Variants in CEP89 observed in about 807,000 individuals in gnomAD.
The protein encoded by CEP89 is centrosomal protein 89, also known as centrosomal protein of 89 kDa.
Under a neutral mutation model 97.6 loss-of-function variants are expected in CEP89, and 95 were observed. That is an observed-to-expected ratio of 0.97 (90% confidence interval 0.82 to 1.15). CEP89 has a LOEUF of 1.15. Ranked by LOEUF, CEP89 falls within the 50% of genes most tolerant of loss-of-function variation. The pLI is 0.00. For synonymous variants in CEP89, 354 were observed against 349.1 expected (o/e 1.01, Z -0.16); for missense variants, 869 against 947.7 (o/e 0.92, Z 1.09).
intron 5 of CEP89, among the ~76,000 whole-genome samples, chr19:32,942,005 T>G (rs1353153169): frequency 1.3e-5 from 2 of 152,218 alleles, no homozygotes; most frequent in East Asian, 3.8e-4. Context: ...CTTTCATATT[T>G]AATGGAGTCT....
At chr19:32,960,994 C>T (rs1292646894) in intron 2 of CEP89, among the ~76,000 whole-genome samples, 4 of 151,962 alleles carry the variant, frequency 2.6e-5, no homozygotes, top group Non-Finnish European at 4.4e-5. Context: ...ACAGAGAGAA[C>T]GAGGAGATCT....
Position 32,954,635 on chromosome 19 carries a change from G to A in CEP89, c.306-834C>T, listed in dbSNP as rs547755347. On this transcript the variant is annotated intron_variant, in intron 3 of 18. Coordinates refer to ENST00000305768, the MANE Select transcript of CEP89 (RefSeq NM_032816.5). ...CCTAAAGTGCTAGGATTACAGGCAT[G>A]AGCCACTGAGCCCAGCCTGTTGTTA... Among the ~76,000 whole-genome samples the A allele has an allele frequency of 7.3e-5, 11 of 151,570 alleles. No individual in the cohort carries two copies. The East Asian group carries it at 2.1e-3, about 29-fold the overall frequency.
rs777097915 is a variant in CEP89 at position 32,918,351 on chromosome 19, T to G, written c.1269-12A>C. The G allele has an allele frequency of 5.7e-6, 9 of 1,590,680 alleles. No individual in the cohort carries two copies. Among genetic ancestry groups the G allele is most frequent in the Admixed American group, 1.7e-5 (1 of 59,942 alleles). ...TCTGAAGCTGACGCCTGCAATTGAT[T>G]TACAAGATGAAATACTGTGATTCAG... is the stretch of plus-strand genomic sequence containing the variant. On this transcript the variant is annotated splice_polypyrimidine_tract_variant and intron_variant, in intron 12 of 18. Transcript: ENST00000305768.
At chr19:32,907,433 C>T (rs1969909974) in intron 14 of CEP89, among the ~76,000 whole-genome samples, 1 of 151,164 alleles carries the variant, frequency 6.6e-6, no homozygotes, top group African/African-American at 2.4e-5. Context: ...GCTTTCCCTC[C>T]AAACATGTCT....
chr19:32,902,010 C>CTGTGTGTGTGTGTGTGTGTGTG (rs929591410), intron 14 of CEP89, among the ~76,000 whole-genome samples: 77 of 133,792 alleles, frequency 5.8e-4, no homozygotes, highest in Non-Finnish European at 6.9e-4. Flanking sequence ...CTCTCTCTCT[C>CTGTGTGTGTGTGTGTGTGTGTG]TGTGTGTGTG....
intron 3 of CEP89, among the ~76,000 whole-genome samples, chr19:32,958,019 C>CCCA (rs1555795374): frequency 1.4e-5 from 2 of 146,438 alleles, no homozygotes; most frequent in African/African-American, 5.4e-5. Flanking sequence ...AAAATCCCCC[C>CCCA]CCCGCCAAAA....
At chr19:32,969,535 G>A (rs1002990445) in intron 1 of CEP89, 1 of 152,426 alleles carries the variant, frequency 6.6e-6, no homozygotes, top group Non-Finnish European at 1.5e-5. Flanking sequence ...TGCTGGAGTG[G>A]AGAGAGGCCA....
At chr19:32,953,866 T>TA in intron 3 of CEP89, 65 bp from the exon 4 acceptor site, 41 of 788,082 alleles carry the variant, frequency 5.2e-5, no homozygotes, top group Non-Finnish European at 7.4e-5. Context: ...CTGATAAATA[T>TA]CTTTTTTTTT....
intron 12 of CEP89, among the ~76,000 whole-genome samples, chr19:32,922,135 C>T (rs1377908406): frequency 6.6e-6 from 1 of 152,040 alleles, no homozygotes; most frequent in Non-Finnish European, 1.5e-5. Context: ...TGGTTCCTGC[C>T]CCTGAGGAGT....
intron 5 of CEP89, among the ~76,000 whole-genome samples, chr19:32,946,591 T>A (rs1970802667): frequency 6.6e-6 from 1 of 152,206 alleles, no homozygotes; most frequent in Non-Finnish European, 1.5e-5. Context: ...TCACATCTCA[T>A]CTTGAATTGT....
At position 32,941,952 on chromosome 19, in the gene CEP89, A is replaced by G. The variant is rs150628915; in HGVS notation, c.596-2067T>C. Among the ~76,000 whole-genome samples the G allele has an allele frequency of 5.9e-5, 9 of 152,376 alleles. No individual in the cohort carries two copies. The East Asian group carries it at 1.5e-3, about 26-fold the overall frequency. ...ATATTTTTAATAACACCTTTACAATAGTCTTGATTTGGTATCACACAATGC... is the reference window on the plus strand; with the variant it reads ...ATATTTTTAATAACACCTTTACAATGGTCTTGATTTGGTATCACACAATGC... On this transcript the variant is annotated intron_variant, in intron 5 of 18. Coordinates refer to ENST00000305768, the MANE Select transcript of CEP89 (RefSeq NM_032816.5).
intron 11 of CEP89, among the ~76,000 whole-genome samples, chr19:32,925,226 G>C (rs1970329324): frequency 6.7e-6 from 1 of 148,860 alleles, no homozygotes. Flanking sequence ...GAGGAACCCA[G>C]AGGAATGCAG....
chr19:32,953,234 C>CT lies in CEP89; in HGVS notation c.492+380dup, dbSNP rs1394325696. 2.0e-5 allele frequency among the ~76,000 whole-genome samples: 3 copies of CT among 150,860 alleles called. No homozygotes were observed. In the Admixed American group the frequency reaches 2.0e-4, roughly 10 times the overall value. On this transcript the variant is annotated intron_variant, in intron 4 of 18. Coordinates refer to ENST00000305768, the MANE Select transcript of CEP89 (RefSeq NM_032816.5). ...ACAGTAAACACTCAAAGCACGTCAG[C>CT]TCCCATTGAGACACGCATGACGATC... is the stretch of plus-strand genomic sequence containing the variant.
At position 32,933,547 on chromosome 19, in the gene CEP89, T is replaced by C. The variant is rs748256998; in HGVS notation, c.790A>G (p.Met264Val). Reference protein sequence around the residue: ...NQSLTLELNTMKQAMKELQLK... With the variant: ...NQSLTLELNTVKQAMKELQLK... Reference sequence around the variant, plus strand: ...TGTAGTTCTTTCATTGCTTGTTTCATTGTGTTTAGTTCAAGGGTAAGGCTT... The same window carrying C: ...TGTAGTTCTTTCATTGCTTGTTTCACTGTGTTTAGTTCAAGGGTAAGGCTT... The change falls in exon 8 of 19, where the codon ATG (methionine) becomes GTG (valine). Residue 264 changes from methionine (M) to valine (V), a missense_variant. Transcript: ENST00000305768. 5 of 1,613,572 alleles carry C rather than the reference T, an allele frequency of 3.1e-6. No individual in the cohort carries two copies. Among genetic ancestry groups the C allele is most frequent in the South Asian group, 1.1e-5 (1 of 91,080 alleles).
chr19:32,931,746 TACA>T (rs1970479014), intron 8 of CEP89, among the ~76,000 whole-genome samples, 175 bp from the exon 9 acceptor site: 1 of 152,208 alleles, frequency 6.6e-6, no homozygotes, highest in Non-Finnish European at 1.5e-5. Context: ...GAATAAAAGT[TACA>T]ACGTTTTTTA....
At chr19:32,930,963 A>G (rs919775) in intron 9 of CEP89, among the ~76,000 whole-genome samples, 88,837 of 151,712 alleles carry the variant, frequency 0.59, 26,367 homozygotes, top group African/African-American at 0.67. Flanking sequence ...TCAGCTCACC[A>G]CACCCTTGAC....
At chr19:32,904,214 T>C (rs190279582) in intron 14 of CEP89, among the ~76,000 whole-genome samples, 186 of 152,298 alleles carry the variant, frequency 1.2e-3, no homozygotes, top group Middle Eastern at 6.8e-3. Flanking sequence ...CCAATTAAAA[T>C]GCTGAAAAAC....
At chr19:32,909,028 C>T (rs890954416) in intron 14 of CEP89, among the ~76,000 whole-genome samples, 4 of 152,164 alleles carry the variant, frequency 2.6e-5, no homozygotes, top group African/African-American at 9.7e-5. Flanking sequence ...AACAATGATG[C>T]GGGAAATGGC....
At chr19:32,923,417 G>A in intron 12 of CEP89, 22 bp downstream of exon 12, 1 of 1,230,002 alleles carries the variant, frequency 8.1e-7, no homozygotes, top group Non-Finnish European at 1.2e-6. Flanking sequence ...TAGCAAAAGA[G>A]CAGAAACACA....
Sources: gnomAD v4.1 joint callset for allele counts (sites outside exome capture counted in the v4.1 genomes callset) on GRCh38, gnomAD v4.1.1 for gene constraint, MANE v1.5 for transcripts, NCBI Gene and HGNC (gene_info 2026-07-23, HGNC 2026-07-21) for gene names.